BAHCC1: variants seen among roughly 807,000 people sequenced by gnomAD.
BAHCC1 encodes BAH domain and coiled-coil containing 1.
In BAHCC1, 43 loss-of-function variants were observed where a neutral mutation model predicts 88.2. That is an observed-to-expected ratio of 0.49 (90% confidence interval 0.38 to 0.63). The LOEUF (loss-of-function observed/expected upper bound fraction) is 0.63. Among genes scored for constraint, BAHCC1 ranks in the 20% least tolerant of loss-of-function variants. The pLI is 0.00. For synonymous variants in BAHCC1, 1,510 were observed against 745.5 expected (o/e 2.03, Z -16.71); for missense variants, 3,023 against 1,654.8 (o/e 1.83, Z -14.34).
At chr17:81,454,965 TGG>T (rs2064719583) in intron 14 of BAHCC1, among the ~76,000 whole-genome samples, 1 of 152,170 alleles carries the variant, frequency 6.6e-6, no homozygotes, top group Non-Finnish European at 1.5e-5. Context: ...GGATGGGATT[TGG>T]GTAACAGAAG....
chr17:81,444,603 T>C (rs1250206308), intron 7 of BAHCC1, 35 bp downstream of exon 7: 3 of 747,600 alleles, frequency 4.0e-6, no homozygotes, highest in Non-Finnish European at 7.4e-6. Flanking sequence ...GGCCTGGGGC[T>C]GATGAGGGTT....
At chr17:81,413,225 G>C (rs2063977954) in intron 2 of BAHCC1, 2 of 284,194 alleles carry the variant, frequency 7.0e-6, no homozygotes, top group South Asian at 5.2e-5. Flanking sequence ...CCCCCCCCGG[G>C]CGCTCGCTGC....
At chr17:81,410,473 G>A (rs926533007) in intron 2 of BAHCC1, among the ~76,000 whole-genome samples, 14 of 152,234 alleles carry the variant, frequency 9.2e-5, no homozygotes, top group Admixed American at 5.9e-4. Flanking sequence ...ACCCCTACCT[G>A]TGCAGGGGCT....
chr17:81,435,360 C>T lies in BAHCC1; in HGVS notation c.359-3010C>T, dbSNP rs1426085708. 13 of 453,984 alleles carry T rather than the reference C, an allele frequency of 2.9e-5. No individual in the cohort carries two copies. The highest frequency in any genetic ancestry group is 2.2e-4 in the African/African-American group (11 of 49,984). The allele number at this position is 453,984 out of a possible 1,614,324, so 28.1% of individuals were successfully genotyped here. On this transcript the variant is annotated intron_variant, in intron 3 of 27. Transcript: ENST00000675386. The surrounding 1 kb of genome is among the most constrained non-coding windows in gnomAD (Gnocchi z 4.4). ...AGGACTGAGTTTGGAGTCTCCTGCCCACCGCAGTAGCAGGGGCAGGATGTG... is the reference window on the plus strand; with the variant it reads ...AGGACTGAGTTTGGAGTCTCCTGCCTACCGCAGTAGCAGGGGCAGGATGTG...
chr17:81,418,753 G>A (rs1435550624), intron 2 of BAHCC1, among the ~76,000 whole-genome samples: 1 of 129,444 alleles, frequency 7.7e-6, no homozygotes, highest in Non-Finnish European at 1.7e-5. Context: ...ACCCACAGAC[G>A]TGTGTGTGTG....
rs1266576898 is a variant in BAHCC1, at chr17:81,435,916, TA to T, written c.359-2449del. Among the ~76,000 whole-genome samples the T allele has an allele frequency of 6.6e-6, 1 of 152,244 alleles. No individual in the cohort carries two copies. Among genetic ancestry groups the T allele is most frequent in the Non-Finnish European group, 1.5e-5 (1 of 68,044 alleles). On this transcript the variant is annotated intron_variant, in intron 3 of 27. Transcript: ENST00000675386. This position sits in a 1 kb window ranked among gnomAD's most constrained non-coding sequence, Gnocchi z 4.4. Reference sequence around the variant, plus strand: ...GCCTCAGAACAGCTGCTCTGATTCATAAAAATCATTTTTAAATTTTCTTTCT... The same window carrying T: ...GCCTCAGAACAGCTGCTCTGATTCATAAAATCATTTTTAAATTTTCTTTCT...
intron 2 of BAHCC1, among the ~76,000 whole-genome samples, chr17:81,419,379 C>CCG (rs1440651861): frequency 6.6e-6 from 1 of 152,272 alleles, no homozygotes; most frequent in Non-Finnish European, 1.5e-5. Flanking sequence ...GGCTTCCTCC[C>CCG]CGCGCTTTCC....
At chr17:81,447,985 G>A (rs2064565756) in intron 11 of BAHCC1, 137 bp downstream of exon 11, 1 of 630,068 alleles carries the variant, frequency 1.6e-6, no homozygotes, top group African/African-American at 1.8e-5. Context: ...CCTGGAGAGT[G>A]TCCGCCTCCC....
intron 2 of BAHCC1, among the ~76,000 whole-genome samples, chr17:81,426,553 A>G (rs1225013662): frequency 6.6e-6 from 1 of 151,732 alleles, no homozygotes; most frequent in Non-Finnish European, 1.5e-5. Flanking sequence ...GGTTTGCAAC[A>G]GCAGGAGAGT....
chr17:81,435,152 G>A lies in BAHCC1; in HGVS notation c.359-3218G>A, dbSNP rs117683992. 1.0e-2 allele frequency among the ~76,000 whole-genome samples: 1,517 copies of A among 152,100 alleles called. 11 individuals are homozygous for A. The highest frequency in any genetic ancestry group is 0.02 in the Middle Eastern group (6 of 294). On this transcript the variant is annotated intron_variant, in intron 3 of 27. Transcript: ENST00000675386. This position sits in a 1 kb window ranked among gnomAD's most constrained non-coding sequence, Gnocchi z 4.4. ...CTCTCTCCTCCTGCCCACACCACAG[G>A]CCTCCTACCTGCAACCCTTGACCTC...
At chr17:81,422,910 G>A (rs142836853) in intron 2 of BAHCC1, 3 of 323,868 alleles carry the variant, frequency 9.3e-6, no homozygotes, top group Non-Finnish European at 1.8e-5. Flanking sequence ...TCCGAGGGGA[G>A]CCCACACTCA....
intron 1 of BAHCC1, chr17:81,395,912 T>A (rs1199359948): frequency 6.6e-6 from 1 of 152,196 alleles, no homozygotes; most frequent in African/African-American, 2.4e-5. Flanking sequence ...TGCTTTGCTC[T>A]GAGCGCTTGT....
intron 2 of BAHCC1, among the ~76,000 whole-genome samples, chr17:81,425,310 T>G (rs1598471706): frequency 2.0e-5 from 2 of 99,950 alleles, no homozygotes; most frequent in South Asian, 3.6e-4. Flanking sequence ...TAGTGGTGGG[T>G]GATGTGGTTG....
rs782723300 is a variant in BAHCC1, at chr17:81,418,808, TAC to T, written c.179-7991_179-7990del. On this transcript the variant is annotated intron_variant, in intron 2 of 27. Transcript: ENST00000675386. ...GTGTACGTGTGTGCGTGTGTGTGTGTACGTGTGTGTGTGTGTGTGTGTGTAGC... is the reference window on the plus strand; with the variant it reads ...GTGTACGTGTGTGCGTGTGTGTGTGTGTGTGTGTGTGTGTGTGTGTGTAGC... Among the ~76,000 whole-genome samples the T allele has an allele frequency of 1.6e-3, 132 of 80,706 alleles. 1 individual carries two copies. The highest frequency in any genetic ancestry group is 0.013 in the Middle Eastern group (2 of 154). 52.9% of individuals were successfully genotyped at this position (80,706 alleles called of 152,430 possible).
rs782698027 is a variant in BAHCC1 at position 81,444,397 on chromosome 17, G to A, written c.2341G>A (p.Val781Ile). 14 of 744,668 alleles carry A rather than the reference G, an allele frequency of 1.9e-5. No individual in the cohort carries two copies. Among genetic ancestry groups the A allele is most frequent in the African/African-American group, 3.4e-5 (2 of 58,164 alleles). 46.1% of individuals were successfully genotyped at this position (744,668 alleles called of 1,614,324 possible). A position where few individuals can be genotyped will look rare whatever the true frequency, so the allele number is the denominator to read the frequency against. ...ELLLQDSKDRVEFARIHPPSS... is the reference protein window; with the variant it reads ...ELLLQDSKDRIEFARIHPPSS... ...GTCTTACAGGGACAGCAAAGACCGC[G>A]TAGAGTTCGCCCGGATCCACCCACC... The change falls in exon 7 of 28, where the codon GTA becomes ATA. Residue 781 changes from valine to isoleucine, a missense_variant. Physicochemically the swap from Val to Ile is conservative, Grantham distance 29 (BLOSUM62 3). Coordinates refer to ENST00000675386, the MANE Select transcript of BAHCC1 (RefSeq NM_001377448.1).
chr17:81,398,475 C>G (rs2063768577), intron 1 of BAHCC1, among the ~76,000 whole-genome samples: 1 of 151,900 alleles, frequency 6.6e-6, no homozygotes, highest in Non-Finnish European at 1.5e-5. Flanking sequence ...CCGCAGACCC[C>G]GCGTACCCAG....
chr17:81,456,739 T>C, intron 16 of BAHCC1, 154 bp downstream of exon 16: 2 of 572,830 alleles, frequency 3.5e-6, no homozygotes, highest in Non-Finnish European at 6.1e-6. Flanking sequence ...CTGAACAGGC[T>C]GGGGAAGGAG....
intron 2 of BAHCC1, among the ~76,000 whole-genome samples, chr17:81,400,431 C>T (rs1366680504): frequency 1.3e-5 from 2 of 151,566 alleles, no homozygotes; most frequent in South Asian, 2.1e-4. Context: ...AATCCTGTTT[C>T]TATATAAAGC....
intron 2 of BAHCC1, among the ~76,000 whole-genome samples, chr17:81,426,208 A>ATGTGGTTGGTGGTTATGTGGTTGG (rs2064195870): frequency 3.6e-5 from 1 of 28,118 alleles, no homozygotes; most frequent in Admixed American, 4.5e-4. Flanking sequence ...GTGGTTGGTG[A>ATGTGGTTGGTGGTTATGTGGTTGG]TGATGTGGTT....
Sources: allele counts gnomAD v4.1 joint callset (sites outside exome capture counted in the v4.1 genomes callset), GRCh38; gene constraint gnomAD v4.1.1; non-coding constraint Gnocchi (gnomAD v3.1); transcripts MANE v1.5; gene names NCBI Gene and HGNC (gene_info 2026-07-23, HGNC 2026-07-21).